Variants in ALK observed in about 807,000 individuals in gnomAD.
The protein encoded by ALK is ALK tyrosine kinase receptor.
ALK carries 74 observed loss-of-function variants against 163.1 expected under a neutral mutation model. The observed-to-expected ratio is 0.45, with a 90% CI of 0.38 to 0.55. The LOEUF (loss-of-function observed/expected upper bound fraction) is 0.55, where lower values mean the gene tolerates loss of function less well. Ranked by LOEUF, ALK falls within the 20% of genes least tolerant of loss-of-function variation. The pLI is 0.00. For synonymous variants in ALK, 960 were observed against 843.2 expected, an observed-to-expected ratio of 1.14 and a Z score of -2.40; for missense variants, 2,063 against 2,105.3, an observed-to-expected ratio of 0.98 and a Z score of 0.39.
chr2:29,401,458 C>T (rs1669444818), intron 4 of ALK, among the ~76,000 whole-genome samples: 1 of 152,214 alleles, frequency 6.6e-6, no homozygotes, highest in African/African-American at 2.4e-5. Context: ...GAAGGATTCC[C>T]AGTATATGCA....
intron 24 of ALK, among the ~76,000 whole-genome samples, chr2:29,211,677 G>A (rs932445294): frequency 3.3e-5 from 5 of 152,192 alleles, no homozygotes; most frequent in African/African-American, 1.2e-4. Flanking sequence ...GAGAGAATTC[G>A]AGGCAACTCT....
chr2:29,505,103 T>C (rs1301920365), intron 4 of ALK, among the ~76,000 whole-genome samples: 1 of 152,120 alleles, frequency 6.6e-6, no homozygotes, highest in African/African-American at 2.4e-5. Context: ...CATTAGTAAT[T>C]GGACCAGGGT....
chr2:29,410,120 G>A (rs1669692839), intron 4 of ALK, among the ~76,000 whole-genome samples: 1 of 152,118 alleles, frequency 6.6e-6, no homozygotes, highest in South Asian at 2.1e-4. Flanking sequence ...TTGTCGTCAT[G>A]GGAACCTCAT....
intron 1 of ALK, among the ~76,000 whole-genome samples, chr2:29,851,552 TTAGG>T (rs2148401117): frequency 6.6e-6 from 1 of 152,282 alleles, no homozygotes; most frequent in South Asian, 2.1e-4. Context: ...GTTCTCAAGC[TTAGG>T]TAGGAATCAG....
intron 8 of ALK, among the ~76,000 whole-genome samples, chr2:29,306,686 C>T (rs1176391384): frequency 6.6e-6 from 1 of 152,056 alleles, no homozygotes; most frequent in Non-Finnish European, 1.5e-5. Context: ...TGTGTATTCA[C>T]ACAAATATGC....
chr2:29,643,904 A>ACTGTAATCCCAAT (rs1676794109), intron 3 of ALK, among the ~76,000 whole-genome samples: 1 of 152,130 alleles, frequency 6.6e-6, no homozygotes, highest in East Asian at 1.9e-4. Context: ...CTGGGTATAT[A>ACTGTAATCCCAAT]CCTGAGGGAT....
chr2:29,760,874 T>A lies in ALK; in HGVS notation c.668-43177A>T, dbSNP rs1413133662. ...ATGCTCTGCCTCCATCCAAGAACTC[T>A]GAAAGAGCTTTTGGCTGTTTGCACA... On this transcript the variant is annotated intron_variant, in intron 1 of 28. Coordinates refer to ENST00000389048, the MANE Select transcript of ALK (RefSeq NM_004304.5). Among the ~76,000 whole-genome samples, 4 of 152,198 alleles carry A rather than the reference T, an allele frequency of 2.6e-5. No individual in the cohort carries two copies. The South Asian group carries it at 6.2e-4, about 24-fold the overall frequency.
chr2:29,438,476 T>C (rs1024793692), intron 4 of ALK, among the ~76,000 whole-genome samples: 1 of 152,252 alleles, frequency 6.6e-6, no homozygotes, highest in African/African-American at 2.4e-5. Context: ...ACCTGGAATA[T>C]CTTTCAGAAG....
At chr2:29,400,838 G>A (rs1669426850) in intron 4 of ALK, among the ~76,000 whole-genome samples, 1 of 152,132 alleles carries the variant, frequency 6.6e-6, no homozygotes, top group African/African-American at 2.4e-5. Context: ...AGCCAGGCAT[G>A]GTGGCACATG....
chr2:29,814,242 T>C (rs77682199), intron 1 of ALK, among the ~76,000 whole-genome samples: 11,631 of 152,212 alleles, frequency 0.076, 1,285 homozygotes, highest in African/African-American at 0.24. Context: ...TATGCTGCAC[T>C]GTAAGTGGTG....
At chr2:29,772,507 G>C (rs1681054857) in intron 1 of ALK, among the ~76,000 whole-genome samples, 2 of 152,218 alleles carry the variant, frequency 1.3e-5, no homozygotes, top group South Asian at 4.1e-4. Flanking sequence ...GAGAATGCGA[G>C]TGGAGTGAAC....
chr2:29,352,265 T>C (rs549840217), intron 5 of ALK, among the ~76,000 whole-genome samples: 26 of 152,342 alleles, frequency 1.7e-4, no homozygotes, highest in African/African-American at 6.3e-4. Context: ...AGGAGTGGCA[T>C]AGATTTATTA....
intron 4 of ALK, among the ~76,000 whole-genome samples, chr2:29,459,798 A>T (rs1671042793): frequency 6.6e-6 from 1 of 152,190 alleles, no homozygotes; most frequent in African/African-American, 2.4e-5. Flanking sequence ...TCTAAAAAAC[A>T]TTTAGTAACT....
intron 4 of ALK, among the ~76,000 whole-genome samples, chr2:29,396,542 C>T (rs1461891931): frequency 2.6e-5 from 4 of 152,164 alleles, no homozygotes; most frequent in South Asian, 2.1e-4. Context: ...GACATGGTGG[C>T]GTGTGCCTGT....
At chr2:29,292,537 G>A (rs981100805) in intron 9 of ALK, among the ~76,000 whole-genome samples, 1 of 152,192 alleles carries the variant, frequency 6.6e-6, no homozygotes, top group African/African-American at 2.4e-5. Flanking sequence ...GATAAAGTGG[G>A]GAGAGGATGA....
chr2:29,429,706 T>A (rs976109080), intron 4 of ALK, among the ~76,000 whole-genome samples: 1 of 152,078 alleles, frequency 6.6e-6, no homozygotes, highest in Non-Finnish European at 1.5e-5. Flanking sequence ...CAGGTAACTT[T>A]TTGGTATAAA....
intron 1 of ALK, among the ~76,000 whole-genome samples, chr2:29,813,353 G>C (rs559114209): frequency 2.6e-5 from 4 of 152,298 alleles, no homozygotes; most frequent in Admixed American, 2.6e-4. Flanking sequence ...GCCCAAGAAA[G>C]ATGCAGCAGA....
chr2:29,219,356 A>C (rs745695505), intron 23 of ALK, among the ~76,000 whole-genome samples: 6 of 152,204 alleles, frequency 3.9e-5, no homozygotes, highest in African/African-American at 1.4e-4. Context: ...GGTATTTTAC[A>C]TGGATCCTGA....
At position 29,372,059 on chromosome 2, in the gene ALK, C is replaced by A. The variant is rs531074581; in HGVS notation, c.1282+11673G>T. On this transcript the variant is annotated intron_variant, in intron 5 of 28. Coordinates refer to ENST00000389048, the MANE Select transcript of ALK (RefSeq NM_004304.5). ...TGCTAGTTTAAATTAAAAAATATTC[C>A]TCCACTCCAATCTTTTGGTAAAACT... 1.6e-4 allele frequency among the ~76,000 whole-genome samples: 25 copies of A among 152,296 alleles called. 1 individual carries two copies. Among genetic ancestry groups the A allele is most frequent in the African/African-American group, 5.8e-4 (24 of 41,572 alleles).
Sources: allele counts gnomAD v4.1 joint callset (sites outside exome capture counted in the v4.1 genomes callset), GRCh38; gene constraint gnomAD v4.1.1; transcripts MANE v1.5; gene names NCBI Gene and HGNC (gene_info 2026-07-23, HGNC 2026-07-21).